Variants in CCDC149 observed in about 807,000 individuals in gnomAD.
CCDC149 encodes the protein coiled-coil domain containing 149, also known as coiled-coil domain-containing protein 149.
CCDC149 carries 45 observed loss-of-function variants against 59.9 expected under a neutral mutation model. The observed-to-expected ratio is 0.75, with a 90% CI of 0.59 to 0.96. The LOEUF (loss-of-function observed/expected upper bound fraction) is 0.96, where lower values mean the gene tolerates loss of function less well. CCDC149 is among the 40% of genes least tolerant of loss of function. The pLI is 0.00. For missense variants in CCDC149, 584 were observed against 664.7 expected, an observed-to-expected ratio of 0.88 and a Z score of 1.33; for synonymous variants, 245 against 260.6, an observed-to-expected ratio of 0.94 and a Z score of 0.58.
At chr4:24,824,657 C>T (rs1715613533) in intron 9 of CCDC149, among the ~76,000 whole-genome samples, 1 of 152,226 alleles carries the variant, frequency 6.6e-6, no homozygotes, top group African/African-American at 2.4e-5. Context: ...CAATCTCATC[C>T]ACCATACTCC....
chr4:24,868,961 C>T (rs1322193891), intron 3 of CCDC149, among the ~76,000 whole-genome samples: 1 of 152,224 alleles, frequency 6.6e-6, no homozygotes, highest in African/African-American at 2.4e-5. Context: ...ATAGTATCTA[C>T]CGCACACGGC....
At position 24,817,430 on chromosome 4, in the gene CCDC149, G is replaced by A. The variant is rs115785040; in HGVS notation, c.1192+2429C>T. Among the ~76,000 whole-genome samples, 546 of 152,106 alleles carry A rather than the reference G, an allele frequency of 3.6e-3. 5 individuals are homozygous for A. The highest frequency in any genetic ancestry group is 0.012 in the African/African-American group (505 of 41,518). On this transcript the variant is annotated intron_variant, in intron 12 of 12. Coordinates refer to ENST00000635206, the MANE Select transcript of CCDC149 (RefSeq NM_001330643.2). ...TGAAATTCTCCCCACAGGTACCTGGGGGGTAACCTTTCTGTTCAAATCCCA... is the reference window on the plus strand; with the variant it reads ...TGAAATTCTCCCCACAGGTACCTGGAGGGTAACCTTTCTGTTCAAATCCCA...
At chr4:24,894,176 T>A (rs1164581311) in intron 1 of CCDC149, among the ~76,000 whole-genome samples, 3 of 152,220 alleles carry the variant, frequency 2.0e-5, no homozygotes, top group Non-Finnish European at 2.9e-5. Context: ...GCTCAATGAA[T>A]GTTTCCTTTT....
chr4:24,954,317 T>C (rs4697502), intron 1 of CCDC149, among the ~76,000 whole-genome samples: 26,976 of 152,130 alleles, frequency 0.18, 3,232 homozygotes, highest in African/African-American at 0.33. Context: ...TGCTGCATGC[T>C]GGTGGTTCTA....
At chr4:24,913,916 TC>T (rs1357071823), upstream of CCDC149, among the ~76,000 whole-genome samples, 1 of 152,218 alleles carries the variant, frequency 6.6e-6, no homozygotes, top group African/African-American at 2.4e-5. Flanking sequence ...AAGGTGCTGT[TC>T]CTGTGACACC....
At chr4:24,922,719 T>G (rs1378943297) in intron 1 of CCDC149, among the ~76,000 whole-genome samples, 1 of 152,106 alleles carries the variant, frequency 6.6e-6, no homozygotes, top group Non-Finnish European at 1.5e-5. Context: ...CCCCAGTGAG[T>G]GCTATAGGAA....
rs1372811668 is a variant in CCDC149, at chr4:24,879,797, C to A, written c.64-3100G>T. 2.0e-5 allele frequency among the ~76,000 whole-genome samples: 3 copies of A among 152,304 alleles called. No homozygotes were observed. In the East Asian group the frequency reaches 5.8e-4, roughly 29 times the overall value. On this transcript the variant is annotated intron_variant, in intron 1 of 12. Coordinates refer to ENST00000635206, the MANE Select transcript of CCDC149 (RefSeq NM_001330643.2). ...CAGCCTAGGCCCACTAAATCAGAATCTCTGGTGCCTGGCTCAGGAATCTGC... is the reference window on the plus strand; with the variant it reads ...CAGCCTAGGCCCACTAAATCAGAATATCTGGTGCCTGGCTCAGGAATCTGC...
intron 1 of CCDC149, among the ~76,000 whole-genome samples, chr4:24,919,925 A>C (rs1722235227): frequency 6.6e-6 from 1 of 152,258 alleles, no homozygotes; most frequent in Non-Finnish European, 1.5e-5. Context: ...TAAGAATCAG[A>C]GATCTGGACC....
intron 2 of CCDC149, among the ~76,000 whole-genome samples, chr4:24,874,236 T>C (rs1306945138): frequency 2.1e-5 from 3 of 143,188 alleles, no homozygotes; most frequent in African/African-American, 7.8e-5. Flanking sequence ...TCTAGTCCTA[T>C]TAGATTTGTT....
chr4:24,876,082 C>T (rs1719401475), intron 2 of CCDC149, among the ~76,000 whole-genome samples: 1 of 152,080 alleles, frequency 6.6e-6, no homozygotes, highest in Non-Finnish European at 1.5e-5. Flanking sequence ...ATCCACGATG[C>T]CTACGTGGTG....
chr4:24,817,589 G>A (rs810280), intron 12 of CCDC149, among the ~76,000 whole-genome samples: 83,416 of 151,516 alleles, frequency 0.55, 23,492 homozygotes, highest in Non-Finnish European at 0.62. Flanking sequence ...ACTATTATGA[G>A]TGATTTAAAG....
chr4:24,820,840 G>C (rs1042234724), intron 11 of CCDC149, among the ~76,000 whole-genome samples: 2 of 152,148 alleles, frequency 1.3e-5, no homozygotes, highest in Admixed American at 1.3e-4. Context: ...AACAAACAGG[G>C]CCACAGCATA....
At position 24,806,243 on chromosome 4, in the gene CCDC149, ACT is replaced by A; in HGVS notation, c.*2144_*2145del. Reference sequence around the variant, plus strand: ...CAGGGTTATATCTGTGACAGGATCAACTAACTTACTGGCTCTCATTTCACCTG... The same window carrying A: ...CAGGGTTATATCTGTGACAGGATCAAAACTTACTGGCTCTCATTTCACCTG... On this transcript the variant is annotated 3_prime_UTR_variant, in exon 13 of 13. Coordinates refer to ENST00000635206, the MANE Select transcript of CCDC149 (RefSeq NM_001330643.2). The A allele has an allele frequency of 6.6e-6, 1 of 152,220 alleles. No individual in the cohort carries two copies. The highest frequency in any genetic ancestry group is 1.5e-5 in the Non-Finnish European group (1 of 68,042). The allele number at this position is 152,220 out of a possible 1,614,324, so 9.4% of individuals were successfully genotyped here.
chr4:24,815,850 G>A lies in CCDC149; in HGVS notation c.1192+4009C>T, dbSNP rs186641447. Among the ~76,000 whole-genome samples, 3 of 152,230 alleles carry A rather than the reference G, an allele frequency of 2.0e-5. 1 individual carries two copies. In the East Asian group the frequency reaches 5.8e-4, roughly 29 times the overall value. ...TTTAACTTTTTAAGCAGTGGGTGCA[G>A]GGGGGTGCGTGTGGGGCCAACACTG... On this transcript the variant is annotated intron_variant, in intron 12 of 12. Transcript: ENST00000635206.
intron 1 of CCDC149, among the ~76,000 whole-genome samples, chr4:24,911,611 G>C (rs1721875233): frequency 1.3e-5 from 2 of 152,186 alleles, no homozygotes; most frequent in South Asian, 4.1e-4. Context: ...TGAGAAGATG[G>C]AGCCAGGCTG....
intron 1 of CCDC149, among the ~76,000 whole-genome samples, chr4:24,958,826 G>A (rs1442832173): frequency 6.6e-6 from 1 of 152,122 alleles, no homozygotes; most frequent in Admixed American, 6.5e-5. Flanking sequence ...GAGGTCAGGA[G>A]TTTGAGACCT....
chr4:24,954,767 T>TC (rs537924131), intron 1 of CCDC149, among the ~76,000 whole-genome samples: 51 of 152,304 alleles, frequency 3.3e-4, no homozygotes, highest in African/African-American at 1.2e-3. Flanking sequence ...ACTGAAGAGC[T>TC]CCAAAATGCC....
At chr4:24,809,243 T>A (rs1260378822) in intron 12 of CCDC149, among the ~76,000 whole-genome samples, 1 of 152,106 alleles carries the variant, frequency 6.6e-6, no homozygotes, top group Non-Finnish European at 1.5e-5. Flanking sequence ...AGAAGAAGGA[T>A]AGTTCGGGAA....
At chr4:24,871,717 C>G (rs1364364283) in intron 3 of CCDC149, among the ~76,000 whole-genome samples, 1 of 152,236 alleles carries the variant, frequency 6.6e-6, no homozygotes, top group Non-Finnish European at 1.5e-5. Context: ...CCACCACACT[C>G]TCAATCCTAA....
Sources: gnomAD v4.1 joint callset for allele counts (sites outside exome capture counted in the v4.1 genomes callset) on GRCh38, gnomAD v4.1.1 for gene constraint, MANE v1.5 for transcripts, NCBI Gene and HGNC (gene_info 2026-07-23, HGNC 2026-07-21) for gene names.